The following BCL7C variants were observed in gnomAD, a reference collection of about 807,000 sequenced individuals.
The protein encoded by BCL7C is BAF chromatin remodeling complex subunit BCL7C.
In BCL7C, 8 loss-of-function variants were observed where a neutral mutation model predicts 26.2. That is an observed-to-expected ratio of 0.30 (90% CI 0.18 to 0.55). The LOEUF is 0.55. Ranked by LOEUF, BCL7C falls within the 20% of genes least tolerant of loss-of-function variation. The pLI is 0.93. For synonymous variants in BCL7C, 90 were observed against 116.5 expected, an observed-to-expected ratio of 0.77 and a Z score of 1.47; for missense variants, 262 against 298.5, an observed-to-expected ratio of 0.88 and a Z score of 0.90.
At chr16:30,885,103 T>C (rs1258394095), downstream of BCL7C, among the ~76,000 whole-genome samples, 1 of 152,210 alleles carries the variant, frequency 6.6e-6, no homozygotes, top group Non-Finnish European at 1.5e-5. Context: ...TGTTGCTTTA[T>C]ATGGCACATG....
intron 5 of BCL7C, among the ~76,000 whole-genome samples, chr16:30,866,327 A>T (rs1309063933): frequency 6.6e-6 from 1 of 152,216 alleles, no homozygotes; most frequent in African/African-American, 2.4e-5. Context: ...CTGTAATTGC[A>T]GCACTTTGGT....
intron 5 of BCL7C, among the ~76,000 whole-genome samples, chr16:30,844,348 CAAAAAAAAAA>C (rs55663737): frequency 4.9e-4 from 36 of 73,396 alleles, no homozygotes; most frequent in Middle Eastern, 0.012. Flanking sequence ...GACTCCGTCT[CAAAAAAAAAA>C]AAAAAAAAAA....
At chr16:30,857,972 C>CA (rs58563705) in intron 5 of BCL7C, among the ~76,000 whole-genome samples, 1,878 of 115,962 alleles carry the variant, frequency 0.016, 23 homozygotes, top group Non-Finnish European at 0.024. Context: ...ACTCCAACTC[C>CA]AAAAAAAAAA....
At chr16:30,892,392 C>G (rs928686448) in intron 4 of BCL7C, among the ~76,000 whole-genome samples, 194 bp downstream of exon 4, 5 of 149,518 alleles carry the variant, frequency 3.3e-5, no homozygotes, top group Non-Finnish European at 5.9e-5. Flanking sequence ...AAATCTCAGA[C>G]AGTGATATGT....
At chr16:30,887,174 T>C (rs1290405889), downstream of BCL7C, among the ~76,000 whole-genome samples, 1 of 152,014 alleles carries the variant, frequency 6.6e-6, no homozygotes, top group East Asian at 1.9e-4. Context: ...CCGGGCGTGG[T>C]GGCAGGCACC....
chr16:30,882,742 C>G (rs930328239), intron 5 of BCL7C, among the ~76,000 whole-genome samples: 3 of 152,164 alleles, frequency 2.0e-5, no homozygotes, highest in Non-Finnish European at 2.9e-5. Context: ...TGAAAGATTG[C>G]CCAGCTACTG....
intron 5 of BCL7C, among the ~76,000 whole-genome samples, chr16:30,871,631 G>C (rs2054883414): frequency 6.6e-6 from 1 of 151,900 alleles, no homozygotes. Context: ...ACTACAGGCA[G>C]GCACCACCAC....
rs955730153 is a variant in BCL7C at position 30,887,806 on chromosome 16, T to A, written c.*59A>T. On this transcript the variant is annotated 3_prime_UTR_variant, in exon 6 of 6. Transcript: ENST00000215115. The stretch of plus-strand genomic sequence containing the variant: ...GACATGACACAAAATTACAAAAGGG[T>A]CTTTATTTGTAAAAAGCCAAAGGGG... 35 of 1,525,632 alleles carry A rather than the reference T, an allele frequency of 2.3e-5. No homozygotes were observed. Among genetic ancestry groups the A allele is most frequent in the Non-Finnish European group, 2.7e-5 (31 of 1,142,874 alleles). The allele number at this position is 1,525,632 out of a possible 1,614,324, so 94.5% of individuals were successfully genotyped here.
chr16:30,859,499 G>C (rs1333084851), intron 5 of BCL7C, among the ~76,000 whole-genome samples: 10 of 152,118 alleles, frequency 6.6e-5, no homozygotes, highest in African/African-American at 2.4e-4. Flanking sequence ...CCTGTGACCT[G>C]CATGTATACA....
At chr16:30,862,641 C>G (rs2054788016) in intron 5 of BCL7C, among the ~76,000 whole-genome samples, 2 of 152,102 alleles carry the variant, frequency 1.3e-5, no homozygotes, top group South Asian at 2.1e-4. Flanking sequence ...CATTCATTAT[C>G]TATCTTGGCA....
At chr16:30,869,701 T>TG (rs2054866634) in intron 5 of BCL7C, among the ~76,000 whole-genome samples, 1 of 151,646 alleles carries the variant, frequency 6.6e-6, no homozygotes, top group Non-Finnish European at 1.5e-5. Context: ...TTTGTAGAGA[T>TG]GGGGTCTCGC....
At chr16:30,835,457 A>C (rs1363200134) in intron 5 of BCL7C, among the ~76,000 whole-genome samples, 1 of 152,222 alleles carries the variant, frequency 6.6e-6, no homozygotes, top group Admixed American at 6.5e-5. Flanking sequence ...GATAACCTAA[A>C]GGCAGCCTCA....
At chr16:30,859,723 T>TAC (rs2054753886) in intron 5 of BCL7C, among the ~76,000 whole-genome samples, 2 of 152,224 alleles carry the variant, frequency 1.3e-5, no homozygotes, top group Non-Finnish European at 2.9e-5. Flanking sequence ...ATGTACTTTG[T>TAC]ACACCTATCC....
chr16:30,892,497 G>A, intron 4 of BCL7C, 89 bp downstream of exon 4: 1 of 1,373,110 alleles, frequency 7.3e-7, no homozygotes, highest in Non-Finnish European at 9.8e-7. Flanking sequence ...GCACAAGACG[G>A]GGAGCAGGTA....
Position 30,893,700 on chromosome 16 carries a change from G to A in BCL7C, c.92+153C>T, listed in dbSNP as rs571935222. ...TTTGTAGACCCCCAGGAGTAGCCAG[G>A]CGAACGGGGACAGAGCCCTGTGGAT... On this transcript the variant is annotated intron_variant, in intron 1 of 5. Transcript: ENST00000215115. This position sits in a 1 kb window ranked among gnomAD's most constrained non-coding sequence, Gnocchi z 5.2. 6.6e-6 allele frequency among the ~76,000 whole-genome samples: 1 copy of A among 152,214 alleles called. No individual in the cohort carries two copies. The highest frequency in any genetic ancestry group is 1.9e-4 in the East Asian group (1 of 5,164).
At chr16:30,846,522 C>T (rs1370853261) in intron 5 of BCL7C, among the ~76,000 whole-genome samples, 1 of 152,044 alleles carries the variant, frequency 6.6e-6, no homozygotes, top group Non-Finnish European at 1.5e-5. Context: ...CCACTGCGCC[C>T]GGCTTAAAAT....
At chr16:30,843,894 G>T (rs2151360364) in intron 5 of BCL7C, among the ~76,000 whole-genome samples, 1 of 151,892 alleles carries the variant, frequency 6.6e-6, no homozygotes, top group South Asian at 2.1e-4. Flanking sequence ...ACAAAGAATA[G>T]CCAGGCATTG....
rs939261498 is a variant in BCL7C, at chr16:30,863,648, C to A, written c.528+25212G>T. Among the ~76,000 whole-genome samples the A allele has an allele frequency of 2.0e-5, 3 of 152,112 alleles. No individual in the cohort carries two copies. In the East Asian group the frequency reaches 5.8e-4, roughly 29 times the overall value. On this transcript the variant is annotated intron_variant, in intron 5 of 5. Coordinates refer to the BCL7C transcript ENST00000380317. ...CACGGCTAGTTTTTCTCCTTCTCATCGGTCACGCCCACCTACTCTCCCACT... is the reference window on the plus strand; with the variant it reads ...CACGGCTAGTTTTTCTCCTTCTCATAGGTCACGCCCACCTACTCTCCCACT...
chr16:30,870,580 C>G (rs1486355625), intron 5 of BCL7C, among the ~76,000 whole-genome samples: 1 of 151,928 alleles, frequency 6.6e-6, no homozygotes, highest in African/African-American at 2.4e-5. Context: ...GAAGATCAAG[C>G]AGGAGGATCG....
Sources: allele counts gnomAD v4.1 joint callset (sites outside exome capture counted in the v4.1 genomes callset), GRCh38; gene constraint gnomAD v4.1.1; non-coding constraint Gnocchi (gnomAD v3.1); transcripts MANE v1.5; gene names NCBI Gene and HGNC (gene_info 2026-07-23, HGNC 2026-07-21).